The following VEPH1 variants were observed in gnomAD, a reference collection of about 807,000 sequenced individuals.
VEPH1 encodes ventricular zone expressed PH domain containing 1.
In VEPH1, 80 loss-of-function variants were observed where a neutral mutation model predicts 85.2. The observed-to-expected ratio is 0.94, with a 90% CI of 0.78 to 1.13. The LOEUF (loss-of-function observed/expected upper bound fraction) is 1.13. Among genes scored for constraint, VEPH1 ranks in the 50% most tolerant of loss-of-function variants. The probability of loss-of-function intolerance (pLI) is 0.00; values close to 1 mark genes in which losing one functional copy is unlikely to be tolerated. For missense variants in VEPH1, 955 were observed against 980.5 expected (o/e 0.97, Z 0.35); for synonymous variants, 297 against 348.0 (o/e 0.85, Z 1.63).
At chr3:157,442,363 T>A (rs1364834414) in intron 4 of VEPH1, 1 of 1,600,164 alleles carries the variant, frequency 6.2e-7, no homozygotes. Context: ...CTTGCTACTC[T>A]AGGTTGTGAA....
chr3:157,317,322 T>A (rs1382818939), intron 9 of VEPH1, 121 bp from the exon 10 acceptor site: 3 of 864,582 alleles, frequency 3.5e-6, no homozygotes, highest in African/African-American at 1.7e-5. Flanking sequence ...TGTGAGCTAA[T>A]AACTACAAAC....
intron 9 of VEPH1, among the ~76,000 whole-genome samples, chr3:157,326,681 A>G (rs1396631449): frequency 6.6e-6 from 1 of 152,196 alleles, no homozygotes; most frequent in African/African-American, 2.4e-5. Context: ...AAGGAGAGAG[A>G]CAGAGAAGTG....
intron 9 of VEPH1, among the ~76,000 whole-genome samples, chr3:157,358,861 T>G (rs1725736257): frequency 6.6e-6 from 1 of 152,192 alleles, no homozygotes; most frequent in South Asian, 2.1e-4. Flanking sequence ...CTGGCTCTAG[T>G]GGCGTGTGCC....
chr3:157,471,599 A>G (rs908565163), intron 2 of VEPH1, among the ~76,000 whole-genome samples: 1 of 152,054 alleles, frequency 6.6e-6, no homozygotes, highest in Non-Finnish European at 1.5e-5. Flanking sequence ...TTTGCTTAGG[A>G]ATTTCCTTGC....
intron 6 of VEPH1, among the ~76,000 whole-genome samples, chr3:157,408,423 C>T (rs566696444): frequency 6.6e-6 from 1 of 152,246 alleles, no homozygotes; most frequent in African/African-American, 2.4e-5. Flanking sequence ...AGTAGACAGA[C>T]TTGATGGAAT....
chr3:157,389,221 C>G (rs1397333052), intron 6 of VEPH1, among the ~76,000 whole-genome samples: 2 of 152,122 alleles, frequency 1.3e-5, no homozygotes, highest in African/African-American at 4.8e-5. Flanking sequence ...CAAAACTTAT[C>G]CAACATATGT....
intron 4 of VEPH1, among the ~76,000 whole-genome samples, chr3:157,431,352 C>A (rs1169623445): frequency 6.6e-6 from 1 of 152,122 alleles, no homozygotes; most frequent in Non-Finnish European, 1.5e-5. Flanking sequence ...ACAGATACAT[C>A]CAGCTTTTAG....
At chr3:157,377,724 C>G (rs996715259) in intron 7 of VEPH1, among the ~76,000 whole-genome samples, 1 of 152,108 alleles carries the variant, frequency 6.6e-6, no homozygotes, top group Non-Finnish European at 1.5e-5. Flanking sequence ...TTGCTGTCTT[C>G]CATGATTGTA....
rs190127948 is a variant in VEPH1 at position 157,336,943 on chromosome 3, A to G, written c.1736-19742T>C. On this transcript the variant is annotated intron_variant, in intron 9 of 13. Transcript: ENST00000362010. ...TTACTACTTGGACTTTTATATGGGA[A>G]GTTTGCCAGCCTCTGCTCTAGAACG... 1.2e-3 allele frequency among the ~76,000 whole-genome samples: 186 copies of G among 152,306 alleles called. 1 individual carries two copies. Among genetic ancestry groups the G allele is most frequent in the African/African-American group, 3.9e-3 (161 of 41,564 alleles).
In VEPH1 at chr3:157,425,483, C is replaced by T. The variant is rs945966199; in HGVS notation, c.696+2839G>A. The stretch of plus-strand genomic sequence containing the variant: ...TGGGAACCCTTGCATCAGTGTGACT[C>T]GGATGCGAGACATGGAGTCAATGGA... On this transcript the variant is annotated intron_variant, in intron 5 of 13. Coordinates refer to ENST00000362010, the MANE Select transcript of VEPH1 (RefSeq NM_001167912.2). Among the ~76,000 whole-genome samples, 13 of 152,250 alleles carry T rather than the reference C, an allele frequency of 8.5e-5. No homozygotes were observed. In the East Asian group the frequency reaches 1.4e-3, roughly 16 times the overall value.
chr3:157,470,386 C>T lies in VEPH1; in HGVS notation c.282G>A (p.Leu94=), dbSNP rs1489154120. 1 of 1,613,940 alleles carries T rather than the reference C, an allele frequency of 6.2e-7. No individual in the cohort carries two copies. Among genetic ancestry groups the T allele is most frequent in the African/African-American group, 1.3e-5 (1 of 74,872 alleles). Residue 94 remains leucine, a synonymous_variant, in exon 3 of 14, where the codon CTG becomes CTA. Coordinates refer to ENST00000362010, the MANE Select transcript of VEPH1 (RefSeq NM_001167912.2). The part of the protein sequence containing the change: ...GLWDSCLEHN[L]RPFGKDEDTP... ...TGTCTTCGTCTTTCCCAAAGGGTCT[C>T]AGGTTATGTTCCAAGCAGGAGTCCC...
At chr3:157,404,608 AG>A (rs768812306) in intron 6 of VEPH1, among the ~76,000 whole-genome samples, 1 of 152,104 alleles carries the variant, frequency 6.6e-6, no homozygotes, top group Non-Finnish European at 1.5e-5. Flanking sequence ...TTCTAGGGAG[AG>A]TTTATTTCAT....
chr3:157,281,063 T>C (rs1202511210), intron 12 of VEPH1, among the ~76,000 whole-genome samples: 1 of 151,344 alleles, frequency 6.6e-6, no homozygotes, highest in Non-Finnish European at 1.5e-5. Context: ...AGGGGTGGTA[T>C]GTAGGTGTGT....
In VEPH1 at chr3:157,339,600, C is replaced by T. The variant is rs537927401; in HGVS notation, c.1736-22399G>A. On this transcript the variant is annotated intron_variant, in intron 9 of 13. Transcript: ENST00000362010. ...CCTCACACTTCCCTTTGTACTCTCC[C>T]GTGTCTCTAAATCCTCATCTGTCTG... Among the ~76,000 whole-genome samples the T allele has an allele frequency of 1.2e-4, 18 of 152,254 alleles. 1 individual carries two copies. Among genetic ancestry groups the T allele is most frequent in the African/African-American group, 3.9e-4 (16 of 41,546 alleles).
intron 12 of VEPH1, among the ~76,000 whole-genome samples, chr3:157,282,178 ATATT>A (rs1399012424): frequency 6.6e-6 from 1 of 152,052 alleles, no homozygotes; most frequent in African/African-American, 2.4e-5. Flanking sequence ...TTTTTTATTC[ATATT>A]TATTTATTTA....
intron 4 of VEPH1, among the ~76,000 whole-genome samples, chr3:157,452,664 A>G (rs190444544): frequency 8.8e-4 from 104 of 117,894 alleles, no homozygotes; most frequent in Admixed American, 8.2e-3. Flanking sequence ...CTAAACATCT[A>G]TATGTACATA....
At chr3:157,482,116 C>G (rs752966824) in intron 2 of VEPH1, among the ~76,000 whole-genome samples, 1 of 152,058 alleles carries the variant, frequency 6.6e-6, no homozygotes, top group Non-Finnish European at 1.5e-5. Flanking sequence ...ATGCCTCCAG[C>G]TTTGTAATTT....
intron 13 of VEPH1, among the ~76,000 whole-genome samples, chr3:157,262,962 A>G (rs1244208267): frequency 6.6e-6 from 1 of 152,216 alleles, no homozygotes; most frequent in Non-Finnish European, 1.5e-5. Context: ...TACCATAGTA[A>G]TTTAAAGATG....
intron 9 of VEPH1, among the ~76,000 whole-genome samples, chr3:157,343,696 T>A (rs1328355196): frequency 3.9e-5 from 6 of 152,130 alleles, no homozygotes; most frequent in Admixed American, 6.6e-5. Context: ...CATCATCCTG[T>A]TACCAAAGCC....
Sources: gnomAD v4.1 joint callset for allele counts (sites outside exome capture counted in the v4.1 genomes callset) on GRCh38, gnomAD v4.1.1 for gene constraint, MANE v1.5 for transcripts, NCBI Gene and HGNC (gene_info 2026-07-23, HGNC 2026-07-21) for gene names.